Variants in USH2A observed in about 807,000 individuals in gnomAD.
The protein encoded by USH2A is usherin.
A neutral mutation model predicts 538.9 loss-of-function variants in USH2A; 443 were observed. That is an observed-to-expected ratio of 0.82 (90% CI 0.76 to 0.89). The LOEUF is 0.89. Among genes scored for constraint, USH2A ranks in the 40% least tolerant of loss-of-function variants. The pLI, the probability that USH2A is intolerant of heterozygous loss-of-function variation, is 0.00. For synonymous variants in USH2A, 2,413 were observed against 2,273.5 expected (o/e 1.06, Z -1.75); for missense variants, 6,633 against 6,324.8 (o/e 1.05, Z -1.65).
At chr1:215,967,815 T>A (rs1401930197) in intron 36 of USH2A, among the ~76,000 whole-genome samples, 3 of 152,098 alleles carry the variant, frequency 2.0e-5, no homozygotes, top group Non-Finnish European at 4.4e-5. Flanking sequence ...TATTTATCTG[T>A]ATAAGTATGA....
chr1:216,279,938 G>C (rs1180293362), intron 11 of USH2A, among the ~76,000 whole-genome samples: 2 of 152,022 alleles, frequency 1.3e-5, no homozygotes, highest in Non-Finnish European at 2.9e-5. Context: ...CAGAAAATAT[G>C]TGGAGGAGTG....
chr1:215,719,362 CAAAAAAAAAAA>C (rs375176415), intron 61 of USH2A, among the ~76,000 whole-genome samples: 6 of 74,640 alleles, frequency 8.0e-5, no homozygotes, highest in African/African-American at 1.9e-4. Flanking sequence ...CCTCAGGAGA[CAAAAAAAAAAA>C]AAAAAAAAAA....
At position 215,647,614 on chromosome 1, in the gene USH2A, T is replaced by G. The variant is rs766670130; in HGVS notation, c.14699A>C (p.Gln4900Pro). The G allele has an allele frequency of 1.1e-5, 18 of 1,614,050 alleles. No individual in the cohort carries two copies. In the South Asian group the frequency reaches 1.2e-4, roughly 11 times the overall value. ...TCTCAGCTTGTATGTGGTGTAGGGC[T>G]GGAGACCCCCAAGGCTGGCTTTCTG... ...LGQKASLGGL[Q>P]PYTTYKLRVV... Residue 4900 changes from glutamine (Q) to proline (P), a missense_variant, in exon 67 of 72, where the codon CAG becomes CCG. By Grantham distance (76) the Gln-to-Pro change is moderately conservative (BLOSUM62 -1). Coordinates refer to ENST00000307340, the MANE Select transcript of USH2A (RefSeq NM_206933.4).
chr1:215,623,999 T>A lies in USH2A; in HGVS notation c.*1782A>T, dbSNP rs973900132. ...CACAGAAGGTGGACACAGCCTTGGT[T>A]AATGCTTATTTGTGCCAGCTTTAAA... is the stretch of plus-strand genomic sequence containing the variant. On this transcript the variant is annotated 3_prime_UTR_variant, in exon 72 of 72. Transcript: ENST00000307340. 1 of 152,172 alleles carries A rather than the reference T, an allele frequency of 6.6e-6. No individual in the cohort carries two copies. Among genetic ancestry groups the A allele is most frequent in the Middle Eastern group, 3.2e-3 (1 of 316 alleles). The allele number at this position is 152,172 out of a possible 1,614,324, so 9.4% of individuals were successfully genotyped here. A position where few individuals can be genotyped will look rare whatever the true frequency, so the allele number is the denominator to read the frequency against.
intron 3 of USH2A, among the ~76,000 whole-genome samples, chr1:216,399,233 T>G (rs1262095275): frequency 1.3e-5 from 2 of 152,152 alleles, no homozygotes; most frequent in Non-Finnish European, 2.9e-5. Context: ...ATCAGCACTT[T>G]ACTTTACTCC....
intron 11 of USH2A, among the ~76,000 whole-genome samples, chr1:216,256,980 T>A (rs973587744): frequency 6.6e-6 from 1 of 151,972 alleles, no homozygotes; most frequent in Non-Finnish European, 1.5e-5. Flanking sequence ...TATTGTGTTA[T>A]TACTGCCAAA....
intron 43 of USH2A, among the ~76,000 whole-genome samples, chr1:215,872,615 C>T (rs1032211108): frequency 2.0e-5 from 3 of 152,142 alleles, no homozygotes; most frequent in African/African-American, 4.8e-5. Flanking sequence ...TGACAAAACA[C>T]ATCCTTCTGG....
chr1:216,324,216 T>C lies in USH2A; in HGVS notation c.1280A>G (p.Asn427Ser), dbSNP rs2037679645. ...AGAATCAGGTTTTTCCAAATCTCCA[T>C]TGTTTTTCATTCCAAAAGCACCACA... is the stretch of plus-strand genomic sequence containing the variant. Reference protein sequence around the residue: ...RNCGAFGMKNNGDLEKPDSVN... With the variant: ...RNCGAFGMKNSGDLEKPDSVN... The change falls in exon 7 of 72, where the codon AAT becomes AGT. Residue 427 changes from asparagine (N) to serine (S), a missense_variant. Transcript: ENST00000307340. 4 of 1,613,396 alleles carry C rather than the reference T, an allele frequency of 2.5e-6. No homozygotes were observed. Among genetic ancestry groups the C allele is most frequent in the South Asian group, 2.2e-5 (2 of 91,046 alleles).
chr1:216,193,000 T>C (rs970266836), intron 19 of USH2A, among the ~76,000 whole-genome samples: 3 of 152,028 alleles, frequency 2.0e-5, no homozygotes, highest in Non-Finnish European at 4.4e-5. Flanking sequence ...CAGCTAATAA[T>C]TGGGAGATGT....
rs1378799607 is a variant in USH2A, at chr1:216,422,161, C to T, written c.176G>A (p.Gly59Glu). 4 of 1,613,600 alleles carry T rather than the reference C, an allele frequency of 2.5e-6. No individual in the cohort carries two copies. The highest frequency in any genetic ancestry group is 2.2e-5 in the East Asian group (1 of 44,856). The part of the protein sequence containing the change: ...VSIVPTQAVC[G>E]LPDRSTFCHS... ...ACAAAAAGTGCTTCGGTCTGGGAGT[C>T]CACATACTGCTTGGGTTGGCACGAT... Residue 59 changes from glycine (G) to glutamate (E), a missense_variant, in exon 2 of 72, where the codon GGA becomes GAA. Coordinates refer to ENST00000307340, the MANE Select transcript of USH2A (RefSeq NM_206933.4).
intron 3 of USH2A, among the ~76,000 whole-genome samples, chr1:216,400,470 A>G (rs2039287375): frequency 6.6e-6 from 1 of 152,114 alleles, no homozygotes; most frequent in East Asian, 1.9e-4. Flanking sequence ...TAACATTTGT[A>G]TAACTGGAAT....
chr1:216,308,051 G>A (rs938344864), intron 9 of USH2A, among the ~76,000 whole-genome samples: 1 of 152,148 alleles, frequency 6.6e-6, no homozygotes, highest in East Asian at 1.9e-4. Flanking sequence ...GTCTTCACAT[G>A]CTGCTCTGTC....
chr1:215,908,170 G>T (rs957867215), intron 38 of USH2A, among the ~76,000 whole-genome samples: 59 of 151,806 alleles, frequency 3.9e-4, no homozygotes, highest in Non-Finnish European at 7.5e-4. Flanking sequence ...ATAGTAGATA[G>T]AAACCTGTGG....
intron 9 of USH2A, among the ~76,000 whole-genome samples, chr1:216,319,991 G>A (rs1262657701): frequency 6.6e-6 from 1 of 152,176 alleles, no homozygotes; most frequent in African/African-American, 2.4e-5. Context: ...ATGAGACAGT[G>A]CTACCATCTG....
chr1:216,138,918 ATGTG>A (rs534404810), intron 21 of USH2A, among the ~76,000 whole-genome samples: 101 of 148,814 alleles, frequency 6.8e-4, no homozygotes, highest in South Asian at 1.3e-3. Context: ...GCATATATTA[ATGTG>A]TGTGTGTGTG....
chr1:215,836,844 C>G (rs1206487228), intron 47 of USH2A, among the ~76,000 whole-genome samples: 1 of 151,442 alleles, frequency 6.6e-6, no homozygotes, highest in Non-Finnish European at 1.5e-5. Context: ...GCGTGAGCCA[C>G]CACGCCCCAC....
rs1195474743 is a variant in USH2A, at chr1:216,423,242, C to T, written c.-233G>A. The T allele has an allele frequency of 6.6e-6, 1 of 152,144 alleles. No homozygotes were observed. Among genetic ancestry groups the T allele is most frequent in the Admixed American group, 6.6e-5 (1 of 15,264 alleles). The allele number at this position is 152,144 out of a possible 1,614,324, so 9.4% of individuals were successfully genotyped here. ...TTCTTTATTGCATTTCAACCAGTCC[C>T]CTCAGTGTGACAAATGGCTCTTCAA... On this transcript the variant is annotated 5_prime_UTR_variant, in exon 1 of 72. Transcript: ENST00000307340.
At chr1:215,900,001 T>C in intron 40 of USH2A, 74 bp downstream of exon 40, 1 of 1,607,276 alleles carries the variant, frequency 6.2e-7, no homozygotes, top group Non-Finnish European at 8.5e-7. Context: ...ATTTCTTTGC[T>C]TTGGAAAAAA....
Position 216,232,884 on chromosome 1 carries a change from A to T in USH2A, c.2810-748T>A, listed in dbSNP as rs752187167. Among the ~76,000 whole-genome samples the T allele has an allele frequency of 3.3e-5, 5 of 152,194 alleles. No individual in the cohort carries two copies. In the East Asian group the frequency reaches 9.7e-4, roughly 29 times the overall value. On this transcript the variant is annotated intron_variant, in intron 13 of 71. Coordinates refer to ENST00000307340, the MANE Select transcript of USH2A (RefSeq NM_206933.4). ...CAAATAATGCATGAATTATTATTAC[A>T]TCTATTCTGTCAATTGGAAAACAGA...
Sources: allele counts gnomAD v4.1 joint callset (sites outside exome capture counted in the v4.1 genomes callset), GRCh38; gene constraint gnomAD v4.1.1; transcripts MANE v1.5; gene names NCBI Gene and HGNC (gene_info 2026-07-23, HGNC 2026-07-21).